DHX8: variants seen among roughly 807,000 people sequenced by gnomAD.
The protein encoded by DHX8 is DEAH-box helicase 8.
Under a neutral mutation model 140.7 loss-of-function variants are expected in DHX8, and 67 were observed. The observed-to-expected ratio is 0.48, with a 90% confidence interval of 0.39 to 0.58. The LOEUF (loss-of-function observed/expected upper bound fraction) is 0.58. Among genes scored for constraint, DHX8 ranks in the 20% least tolerant of loss-of-function variants. DHX8 has a pLI of 0.00. For missense variants in DHX8, 887 were observed against 1,550.7 expected (o/e 0.57, Z 7.19); for synonymous variants, 533 against 553.2 (o/e 0.96, Z 0.51).
intron 11 of DHX8, among the ~76,000 whole-genome samples, chr17:43,500,740 G>A (rs928481354): frequency 7.9e-5 from 12 of 151,668 alleles, no homozygotes; most frequent in African/African-American, 2.7e-4. Flanking sequence ...GTGAAACCCC[G>A]TCTTTACTAA....
intron 11 of DHX8, 77 bp from the exon 12 acceptor site, chr17:43,504,567 C>T: frequency 7.0e-7 from 1 of 1,438,796 alleles, no homozygotes; most frequent in Non-Finnish European, 9.4e-7. Flanking sequence ...GCAGTGCCCG[C>T]ATGCCATTTT....
At position 43,493,814 on chromosome 17, in the gene DHX8, A is replaced by G. The variant is rs1388828683; in HGVS notation, c.1140A>G (p.Glu380=). 2.5e-6 allele frequency: 4 copies of G among 1,614,078 alleles called. No homozygotes were observed. Among genetic ancestry groups the G allele is most frequent in the Non-Finnish European group, 3.4e-6 (4 of 1,180,052 alleles). Residue 380 remains glutamate, a synonymous_variant, in exon 8 of 23, where the codon GAA becomes GAG. Transcript: ENST00000262415. ...PTHLSLVSAP[E]VEDDSLERKR... ...ACTTGTCCCTTGTCAGTGCTCCTGAAGTAGAGGACGACTCACTGGAACGCA... is the reference window on the plus strand; with the variant it reads ...ACTTGTCCCTTGTCAGTGCTCCTGAGGTAGAGGACGACTCACTGGAACGCA...
At chr17:43,500,803 C>T (rs188329443) in intron 11 of DHX8, among the ~76,000 whole-genome samples, 16 of 151,800 alleles carry the variant, frequency 1.1e-4, no homozygotes, top group African/African-American at 3.4e-4. Flanking sequence ...CCCAGCTACT[C>T]GAGAGACTGA....
chr17:43,508,808 A>G (rs1365338494), intron 16 of DHX8, among the ~76,000 whole-genome samples: 1 of 151,900 alleles, frequency 6.6e-6, no homozygotes, highest in Non-Finnish European at 1.5e-5. Flanking sequence ...TTTAGTAGAG[A>G]CGGGGTTTCA....
intron 8 of DHX8, among the ~76,000 whole-genome samples, chr17:43,494,129 A>C (rs1968703238): frequency 6.6e-6 from 1 of 152,188 alleles, no homozygotes; most frequent in Non-Finnish European, 1.5e-5. Flanking sequence ...GGCATATCTC[A>C]CATGGCAGTA....
At chr17:43,484,837 C>T (rs1968037826) in intron 1 of DHX8, among the ~76,000 whole-genome samples, 2 of 151,984 alleles carry the variant, frequency 1.3e-5, no homozygotes, top group African/African-American at 4.8e-5. Context: ...AGACGGGGGT[C>T]TCACTGTATT....
In DHX8 at chr17:43,493,749, A is replaced by G. The variant is rs1230244526; in HGVS notation, c.1075A>G (p.Asn359Asp). The G allele has an allele frequency of 1.2e-6, 2 of 1,614,102 alleles. No individual in the cohort carries two copies. Among genetic ancestry groups the G allele is most frequent in the African/African-American group, 1.3e-5 (1 of 74,936 alleles). ...NRRRNLVGET[N>D]EETSMRNPDR... Reference sequence around the variant, plus strand: ...ACGGCGAAATCTTGTCGGGGAGACCAATGAGGAGACCTCAATGCGGAATCC... The same window carrying G: ...ACGGCGAAATCTTGTCGGGGAGACCGATGAGGAGACCTCAATGCGGAATCC... Residue 359 changes from asparagine (N) to aspartate (D), a missense_variant, in exon 8 of 23, where the codon AAT (asparagine) becomes GAT (aspartate). Transcript: ENST00000262415.
rs1970548174 is a variant in DHX8 at position 43,524,760 on chromosome 17, G to A, written c.*913G>A. On this transcript the variant is annotated 3_prime_UTR_variant, in exon 23 of 23. Transcript: ENST00000262415. Reference sequence around the variant, plus strand: ...ATTTTTTTCCCCTGAGGTCCTGGATGGACTTTAACAAAGGGATTTTATGGT... The same window carrying A: ...ATTTTTTTCCCCTGAGGTCCTGGATAGACTTTAACAAAGGGATTTTATGGT... The A allele has an allele frequency of 1.0e-6, 1 of 985,344 alleles. No homozygotes were observed. The allele number at this position is 985,344 out of a possible 1,614,324, so 61.0% of individuals were successfully genotyped here. A position where few individuals can be genotyped will look rare whatever the true frequency, so the allele number is the denominator to read the frequency against.
At chr17:43,494,625 G>T (rs1968740939) in intron 8 of DHX8, among the ~76,000 whole-genome samples, 1 of 150,210 alleles carries the variant, frequency 6.7e-6, no homozygotes, top group Admixed American at 6.6e-5. Flanking sequence ...CGACGCTGAG[G>T]CAGGAGAATC....
downstream of DHX8, chr17:43,528,510 C>G (rs570890035): frequency 3.2e-6 from 5 of 1,586,464 alleles, no homozygotes; most frequent in Non-Finnish European, 4.3e-6. Context: ...GGGGAACAGC[C>G]GCTGGGGGCT....
At chr17:43,501,046 G>C (rs976109171) in intron 11 of DHX8, among the ~76,000 whole-genome samples, 12 of 151,706 alleles carry the variant, frequency 7.9e-5, no homozygotes, top group Admixed American at 4.0e-4. Context: ...TGGCAACTGG[G>C]GATACGATTT....
At chr17:43,505,559 A>C (rs1238450011) in intron 12 of DHX8, among the ~76,000 whole-genome samples, 1 of 151,986 alleles carries the variant, frequency 6.6e-6, no homozygotes, top group Non-Finnish European at 1.5e-5. Flanking sequence ...ACCAAGTGAG[A>C]CCCCATATCA....
chr17:43,532,881 G>T, intron 2 of DHX8: 1 of 1,606,878 alleles, frequency 6.2e-7, no homozygotes, highest in Non-Finnish European at 8.5e-7. Flanking sequence ...AGGGGTTCCC[G>T]GCCCCCTCCC....
At chr17:43,535,309 G>A (rs58015632) in intron 2 of DHX8, among the ~76,000 whole-genome samples, 34,382 of 151,776 alleles carry the variant, frequency 0.23, 4,101 homozygotes, top group East Asian at 0.32. Flanking sequence ...ATGGAGCCTC[G>A]CTCTGTCACC....
chr17:43,504,356 T>TA (rs982381056), intron 11 of DHX8, among the ~76,000 whole-genome samples: 7 of 151,374 alleles, frequency 4.6e-5, no homozygotes, highest in East Asian at 1.9e-4. Context: ...AGACCCTACC[T>TA]AAAAAAAAAT....
chr17:43,492,592 A>G (rs1238154930), intron 5 of DHX8, 89 bp from the exon 6 acceptor site: 7 of 748,734 alleles, frequency 9.3e-6, no homozygotes, highest in Admixed American at 2.5e-5. Context: ...GGTACCTACC[A>G]TGTGCATGGC....
downstream of DHX8, chr17:43,526,819 T>A: frequency 1.4e-6 from 1 of 690,962 alleles, no homozygotes; most frequent in Non-Finnish European, 2.1e-6. Context: ...TTTCTTGCAC[T>A]AAATTATGTC....
intron 8 of DHX8, among the ~76,000 whole-genome samples, chr17:43,494,719 T>G (rs1157199527): frequency 1.4e-4 from 16 of 113,176 alleles, no homozygotes; most frequent in African/African-American, 5.3e-4. Flanking sequence ...AGACTCTGTC[T>G]CAAAAAAAAA....
At chr17:43,496,622 A>G (rs1968875910) in intron 9 of DHX8, among the ~76,000 whole-genome samples, 1 of 152,128 alleles carries the variant, frequency 6.6e-6, no homozygotes, top group African/African-American at 2.4e-5. Flanking sequence ...TACTAAAAAA[A>G]TACAAAGATT....
Sources: allele counts gnomAD v4.1 joint callset (sites outside exome capture counted in the v4.1 genomes callset), GRCh38; gene constraint gnomAD v4.1.1; transcripts MANE v1.5; gene names NCBI Gene and HGNC (gene_info 2026-07-23, HGNC 2026-07-21).